The following BLTP1 variants were observed in gnomAD, a reference collection of about 807,000 sequenced individuals.
BLTP1 encodes fragile site-associated protein.
chr4:122,208,098 A>G, the BLTP1 span: 3 of 984,342 alleles, frequency 3.0e-6, no homozygotes, highest in South Asian at 4.7e-5. Flanking sequence ...AACCAGTAGT[A>G]CTTGTAGTAT....
At chr4:122,241,719 A>G in the BLTP1 span, among the ~76,000 whole-genome samples, 2 of 152,222 alleles carry the variant, frequency 1.3e-5, no homozygotes, top group Admixed American at 6.5e-5. Context: ...CCCAAAACCA[A>G]TTGCCCATGC....
chr4:122,281,248 A>G, the BLTP1 span: 4 of 945,974 alleles, frequency 4.2e-6, no homozygotes, highest in African/African-American at 1.8e-5. Flanking sequence ...AGAATTTGGA[A>G]TCAGACAAAT....
chr4:122,359,758 A>ATAT, the BLTP1 span: 7 of 1,547,074 alleles, frequency 4.5e-6, no homozygotes, highest in Non-Finnish European at 6.1e-6. Context: ...CCATATGCTA[A>ATAT]GGGATTACTA....
chr4:122,224,442 G>A, the BLTP1 span: 3 of 1,544,444 alleles, frequency 1.9e-6, no homozygotes, highest in Non-Finnish European at 2.6e-6. Context: ...GAAACAACTA[G>A]AAATTATAAT....
At chr4:122,167,955 A>T in the BLTP1 span, 9 of 931,572 alleles carry the variant, frequency 9.7e-6, no homozygotes, top group Non-Finnish European at 1.2e-5. Flanking sequence ...CTCACTATTA[A>T]GGAATTGGTG....
the BLTP1 span, among the ~76,000 whole-genome samples, chr4:122,233,193 G>A: frequency 3.3e-5 from 5 of 152,296 alleles, no homozygotes; most frequent in Admixed American, 6.5e-5. Context: ...ACAAGCTAAC[G>A]TTTGAGAACT....
the BLTP1 span, chr4:122,316,445 G>A: frequency 2.8e-4 from 136 of 485,588 alleles, 1 homozygote; most frequent in African/African-American, 2.2e-3. Flanking sequence ...CCAAATCAGC[G>A]CCATTCTGTT....
At chr4:122,351,998 C>A in the BLTP1 span, among the ~76,000 whole-genome samples, 1 of 152,104 alleles carries the variant, frequency 6.6e-6, no homozygotes, top group African/African-American at 2.4e-5. Flanking sequence ...GCATCTGAAA[C>A]CCCTGGAGAT....
At chr4:122,343,450 T>C in the BLTP1 span, 2 of 1,614,032 alleles carry the variant, frequency 1.2e-6, no homozygotes, top group Non-Finnish European at 1.7e-6. Context: ...GAAGTCGACA[T>C]AGTAGTAGTC....
chr4:122,257,150 C>G, the BLTP1 span: 2 of 1,168,420 alleles, frequency 1.7e-6, no homozygotes, highest in Non-Finnish European at 2.4e-6. Context: ...ATTTCTTTAT[C>G]TCTAAATGAG....
chr4:122,265,754 A>C, the BLTP1 span, among the ~76,000 whole-genome samples: 1 of 152,120 alleles, frequency 6.6e-6, no homozygotes, highest in African/African-American at 2.4e-5. Flanking sequence ...GCTGGAGTGC[A>C]GTAGTGCAAT....
chr4:122,211,505 C>T, the BLTP1 span, among the ~76,000 whole-genome samples: 1 of 152,194 alleles, frequency 6.6e-6, no homozygotes, highest in East Asian at 1.9e-4. Flanking sequence ...AAGTGAATCC[C>T]TTAAAAATAA....
chr4:122,271,387 T>G, the BLTP1 span: 2 of 1,613,894 alleles, frequency 1.2e-6, no homozygotes, highest in Non-Finnish European at 8.5e-7. Flanking sequence ...CATCTGACTT[T>G]AGCCGCAGTT....
the BLTP1 span, among the ~76,000 whole-genome samples, chr4:122,356,169 C>G: frequency 2.6e-5 from 4 of 151,978 alleles, no homozygotes; most frequent in African/African-American, 9.7e-5. Flanking sequence ...CAACTTATAC[C>G]TCTCTCTCCT....
chr4:122,244,997 C>T, the BLTP1 span: 1 of 1,601,336 alleles, frequency 6.2e-7, no homozygotes, highest in Non-Finnish European at 8.5e-7. Flanking sequence ...TTAAATATTT[C>T]ATTTACTGTT....
the BLTP1 span, chr4:122,246,936 A>G: frequency 7.0e-7 from 1 of 1,433,422 alleles, no homozygotes; most frequent in East Asian, 2.4e-5. Context: ...CTGGTTTTGG[A>G]ATTTCAAATC....
chr4:122,247,616 A>G, the BLTP1 span: 4 of 1,202,976 alleles, frequency 3.3e-6, no homozygotes, highest in Non-Finnish European at 4.3e-6. Context: ...CCATGTTTCT[A>G]TTTCCCATGT....
chr4:122,229,229 A>G, the BLTP1 span: 1 of 1,605,818 alleles, frequency 6.2e-7, no homozygotes, highest in Non-Finnish European at 8.5e-7. Context: ...TGGTTGTGCT[A>G]CAAATATAAA....
chr4:122,192,241 A>G, the BLTP1 span: 2 of 1,612,678 alleles, frequency 1.2e-6, no homozygotes, highest in South Asian at 2.2e-5. Flanking sequence ...CTTGTTCCGG[A>G]AGAAACAGAA....
Sources: gnomAD v4.1 joint callset for allele counts (sites outside exome capture counted in the v4.1 genomes callset) on GRCh38, gnomAD v4.1.1 for gene constraint, MANE v1.5 for transcripts, NCBI Gene and HGNC (gene_info 2026-07-23, HGNC 2026-07-21) for gene names.